Variants in SCHIP1 observed in about 807,000 individuals in gnomAD.
The protein encoded by SCHIP1 is schwannomin-interacting protein 1.
Under a neutral mutation model 29.7 loss-of-function variants are expected in SCHIP1, and 8 were observed. The ratio of observed to expected loss-of-function variants is 0.27; its 90% CI spans 0.16 to 0.49. The LOEUF is 0.49. Ranked by LOEUF, SCHIP1 falls within the 20% of genes least tolerant of loss-of-function variation. The pLI is 0.99. For missense variants in SCHIP1, 193 were observed against 294.6 expected (o/e 0.66, Z 2.52); for synonymous variants, 76 against 94.9 (o/e 0.80, Z 1.16).
chr3:159,312,432 G>C, the SCHIP1 span, among the ~76,000 whole-genome samples: 1 of 152,150 alleles, frequency 6.6e-6, no homozygotes, highest in Non-Finnish European at 1.5e-5. Flanking sequence ...TGTCAGAAGA[G>C]AAAGTGTGTG....
chr3:159,841,009 A>G (rs1744168147), intron 1 of SCHIP1, among the ~76,000 whole-genome samples: 1 of 152,214 alleles, frequency 6.6e-6, no homozygotes, highest in South Asian at 2.1e-4. Flanking sequence ...TGCTCTTTGC[A>G]GCAGCAGGCA....
chr3:159,497,950 T>G, the SCHIP1 span, among the ~76,000 whole-genome samples: 33 of 152,318 alleles, frequency 2.2e-4, no homozygotes, highest in East Asian at 5.2e-3. Context: ...ATCTGTATAT[T>G]ATTTTCCCTA....
chr3:159,310,338 C>T, the SCHIP1 span, among the ~76,000 whole-genome samples: 1 of 152,232 alleles, frequency 6.6e-6, no homozygotes, highest in East Asian at 1.9e-4. Context: ...ACTTCTCTCT[C>T]GCAGCCATGT....
chr3:159,301,033 T>C, the SCHIP1 span, among the ~76,000 whole-genome samples: 1 of 152,228 alleles, frequency 6.6e-6, no homozygotes, highest in Non-Finnish European at 1.5e-5. Context: ...TAATGTACTA[T>C]TATGTAGTAC....
chr3:159,560,169 G>C, the SCHIP1 span, among the ~76,000 whole-genome samples: 289 of 152,156 alleles, frequency 1.9e-3, 2 homozygotes, highest in African/African-American at 6.6e-3. Context: ...AGCTCTTTTC[G>C]GCCAATTATT....
the SCHIP1 span, among the ~76,000 whole-genome samples, chr3:159,802,541 T>A: frequency 1.5e-4 from 23 of 151,994 alleles, no homozygotes; most frequent in Non-Finnish European, 2.6e-4. Context: ...TGCCTGATTT[T>A]AAAAAAAAGA....
chr3:159,495,925 A>C, the SCHIP1 span, among the ~76,000 whole-genome samples: 2 of 152,208 alleles, frequency 1.3e-5, no homozygotes, highest in African/African-American at 4.8e-5. Context: ...AATGGAATAC[A>C]ACAGAGCCCT....
chr3:159,731,011 G>T, the SCHIP1 span, among the ~76,000 whole-genome samples: 1 of 152,168 alleles, frequency 6.6e-6, no homozygotes, highest in Admixed American at 6.5e-5. Flanking sequence ...CAAAATTTAT[G>T]CAAGAAAGTA....
the SCHIP1 span, among the ~76,000 whole-genome samples, chr3:159,616,123 C>T: frequency 2.7e-5 from 4 of 149,958 alleles, no homozygotes; most frequent in Middle Eastern, 3.2e-3. Flanking sequence ...TTCCTGAGAG[C>T]TGACCTGGAA....
the SCHIP1 span, among the ~76,000 whole-genome samples, chr3:159,662,477 A>G: frequency 6.6e-6 from 1 of 152,222 alleles, no homozygotes; most frequent in Admixed American, 6.5e-5. Flanking sequence ...AGGCAGCCCT[A>G]TTGGGTTCTA....
chr3:159,741,037 C>A, the SCHIP1 span, among the ~76,000 whole-genome samples: 1 of 152,102 alleles, frequency 6.6e-6, no homozygotes, highest in Admixed American at 6.5e-5. Context: ...TTCCTTTTTT[C>A]TTTGAATATC....
chr3:159,587,215 C>T, the SCHIP1 span, among the ~76,000 whole-genome samples: 1 of 152,124 alleles, frequency 6.6e-6, no homozygotes, highest in Admixed American at 6.5e-5. Context: ...GATTCTGATG[C>T]ACAATCAAGT....
At chr3:159,807,664 A>C in the SCHIP1 span, among the ~76,000 whole-genome samples, 6 of 152,060 alleles carry the variant, frequency 3.9e-5, no homozygotes. Flanking sequence ...TCTTGGGAAA[A>C]ATTCTCAGCA....
chr3:159,764,361 C>G, the SCHIP1 span: 1 of 1,483,782 alleles, frequency 6.7e-7, no homozygotes, highest in Non-Finnish European at 9.0e-7. The surrounding 1 kb of genome is among the most constrained non-coding windows in gnomAD (Gnocchi z 6.1). Flanking sequence ...GTGCGGGGCA[C>G]TGAGCCGGGG....
chr3:159,595,300 G>A, the SCHIP1 span, among the ~76,000 whole-genome samples: 1 of 152,088 alleles, frequency 6.6e-6, no homozygotes, highest in South Asian at 2.1e-4. Flanking sequence ...CTATTTAACT[G>A]TCCAGAGATG....
the SCHIP1 span, among the ~76,000 whole-genome samples, chr3:159,438,013 G>C: frequency 1.3e-5 from 2 of 152,044 alleles, no homozygotes; most frequent in Non-Finnish European, 2.9e-5. Context: ...TACTTCTTAG[G>C]GGTTGTGAGG....
At chr3:159,545,714 A>AT in the SCHIP1 span, among the ~76,000 whole-genome samples, 1 of 147,450 alleles carries the variant, frequency 6.8e-6, no homozygotes, top group Non-Finnish European at 1.5e-5. Flanking sequence ...CTTTTGTACA[A>AT]TATATTATAT....
At chr3:159,507,374 G>T in the SCHIP1 span, among the ~76,000 whole-genome samples, 1 of 152,122 alleles carries the variant, frequency 6.6e-6, no homozygotes, top group African/African-American at 2.4e-5. Flanking sequence ...GCGCTGAGTC[G>T]ATGGGGTTTT....
At chr3:159,675,975 T>G in the SCHIP1 span, among the ~76,000 whole-genome samples, 19 of 152,148 alleles carry the variant, frequency 1.2e-4, no homozygotes, top group South Asian at 2.7e-3. Context: ...CTATTAAAAA[T>G]ACAAAATTAG....
Sources: gnomAD v4.1 joint callset for allele counts (sites outside exome capture counted in the v4.1 genomes callset) on GRCh38, gnomAD v4.1.1 for gene constraint, Gnocchi (gnomAD v3.1) non-coding constraint, MANE v1.5 for transcripts, NCBI Gene and HGNC (gene_info 2026-07-23, HGNC 2026-07-21) for gene names.